The following ABHD12 variants were observed in gnomAD, a reference collection of about 807,000 sequenced individuals.
ABHD12 encodes lysophosphatidylserine lipase ABHD12.
A neutral mutation model predicts 58.3 loss-of-function variants in ABHD12; 43 were observed. The ratio of observed to expected loss-of-function variants is 0.74; its 90% CI spans 0.58 to 0.95. The LOEUF is 0.95. ABHD12 is among the 40% of genes least tolerant of loss of function. The probability of loss-of-function intolerance (pLI) is 0.00; values close to 1 mark genes in which losing one functional copy is unlikely to be tolerated. For synonymous variants in ABHD12, 219 were observed against 211.2 expected (o/e 1.04, Z -0.32); for missense variants, 539 against 537.2 (o/e 1.00, Z -0.03).
chr20:25,350,806 C>T (rs2500443), intron 1 of ABHD12, among the ~76,000 whole-genome samples: 90,501 of 151,964 alleles, frequency 0.6, 28,026 homozygotes, highest in African/African-American at 0.72. Flanking sequence ...ACTTCCCTTA[C>T]CTGACTAGAG....
chr20:25,302,100 T>C (rs1175644360), intron 12 of ABHD12, 119 bp downstream of exon 12: 17 of 1,441,604 alleles, frequency 1.2e-5, no homozygotes, highest in Non-Finnish European at 1.6e-5. Flanking sequence ...CCCAAATCAC[T>C]GTGACTCTTG....
intron 1 of ABHD12, among the ~76,000 whole-genome samples, chr20:25,354,058 C>A (rs574731323): frequency 2.3e-4 from 35 of 152,288 alleles, no homozygotes; most frequent in Non-Finnish European, 4.3e-4. Context: ...AGGAAGCCAT[C>A]CTGGAGCGGC....
At chr20:25,320,118 T>G in intron 4 of ABHD12, 81 bp downstream of exon 4, 1 of 1,591,804 alleles carries the variant, frequency 6.3e-7, no homozygotes, top group African/African-American at 1.3e-5. Flanking sequence ...CCTGCTGGTT[T>G]CCGGCAGACC....
chr20:25,326,253 T>C (rs992148238), intron 2 of ABHD12, among the ~76,000 whole-genome samples: 7 of 151,946 alleles, frequency 4.6e-5, no homozygotes, highest in Non-Finnish European at 7.4e-5. Context: ...CAGGAAACAA[T>C]TGAAGAAACT....
chr20:25,350,522 G>C (rs1365284192), intron 1 of ABHD12, among the ~76,000 whole-genome samples: 4 of 152,192 alleles, frequency 2.6e-5, no homozygotes, highest in African/African-American at 9.6e-5. Context: ...TGTAAGATGT[G>C]ACTTTGCTTC....
chr20:25,297,514 C>T (rs768639613), downstream of ABHD12: 1 of 152,314 alleles, frequency 6.6e-6, no homozygotes, highest in Admixed American at 6.5e-5. Context: ...GCCACAGCCT[C>T]GTCTGGAAAA....
At chr20:25,296,519 C>A, downstream of ABHD12, 1 of 1,612,324 alleles carries the variant, frequency 6.2e-7, no homozygotes, top group Non-Finnish European at 8.5e-7. Context: ...TCCCCCGGGA[C>A]TAGGCACACC....
At chr20:25,322,381 A>ATATATATATATATATATTTTTTTTTT in intron 3 of ABHD12, among the ~76,000 whole-genome samples, 16 of 59,250 alleles carry the variant, frequency 2.7e-4, no homozygotes, top group South Asian at 1.2e-3. Flanking sequence ...ATATATATAT[A>ATATATATATATATATATTTTTTTTTT]TTTTTTTTTT....
intron 2 of ABHD12, among the ~76,000 whole-genome samples, chr20:25,328,593 A>C (rs1600806174): frequency 6.6e-6 from 1 of 152,212 alleles, no homozygotes; most frequent in African/African-American, 2.4e-5. Context: ...ACTGTCCAAG[A>C]GTTCTGAGAG....
At chr20:25,312,674 T>C (rs1262268519) in intron 6 of ABHD12, among the ~76,000 whole-genome samples, 4 of 140,096 alleles carry the variant, frequency 2.9e-5, no homozygotes, top group Admixed American at 1.5e-4. Context: ...TCTGCCTGGC[T>C]GCCCAGTCTG....
At chr20:25,335,322 G>A (rs2089345419) in intron 2 of ABHD12, among the ~76,000 whole-genome samples, 1 of 150,176 alleles carries the variant, frequency 6.7e-6, no homozygotes, top group Non-Finnish European at 1.5e-5. Flanking sequence ...TGCTGGAGAG[G>A]ATGTGGAGAA....
chr20:25,330,860 G>A (rs1228986213), intron 2 of ABHD12, among the ~76,000 whole-genome samples: 1 of 151,660 alleles, frequency 6.6e-6, no homozygotes, highest in Non-Finnish European at 1.5e-5. Context: ...CACAAAGATG[G>A]GGAAAAAAAA....
chr20:25,352,913 G>T (rs1417703427), intron 1 of ABHD12, among the ~76,000 whole-genome samples: 1 of 152,056 alleles, frequency 6.6e-6, no homozygotes, highest in African/African-American at 2.4e-5. Flanking sequence ...ATGTGGTGGT[G>T]TGTACCCATA....
At chr20:25,342,061 G>A (rs1488525865) in intron 1 of ABHD12, among the ~76,000 whole-genome samples, 1 of 129,002 alleles carries the variant, frequency 7.8e-6, no homozygotes, top group Non-Finnish European at 1.6e-5. Context: ...GTTCAAAAAT[G>A]TTCACAGCTT....
chr20:25,368,956 C>T (rs1600863538), intron 1 of ABHD12, among the ~76,000 whole-genome samples: 3 of 152,176 alleles, frequency 2.0e-5, no homozygotes, highest in Middle Eastern at 3.4e-3. Flanking sequence ...GACCCTCTTT[C>T]TATCAAAAAT....
chr20:25,329,832 C>T (rs888878844), intron 2 of ABHD12, among the ~76,000 whole-genome samples: 5 of 151,970 alleles, frequency 3.3e-5, no homozygotes, highest in African/African-American at 1.2e-4. Context: ...ACAGGACCTT[C>T]CGTATGAAAA....
intron 3 of ABHD12, among the ~76,000 whole-genome samples, chr20:25,321,612 A>C (rs975263396): frequency 1.3e-5 from 2 of 152,236 alleles, no homozygotes; most frequent in African/African-American, 4.8e-5. Context: ...ACATCACTAA[A>C]CAAAACCTTT....
intron 6 of ABHD12, among the ~76,000 whole-genome samples, chr20:25,313,667 A>G (rs2088907238): frequency 6.6e-6 from 1 of 151,986 alleles, no homozygotes; most frequent in Admixed American, 6.6e-5. Context: ...CTGTGGTCCC[A>G]GCTACTAGGG....
chr20:25,308,488 C>A lies in ABHD12; in HGVS notation c.756G>T (p.Ala252=). ...IWGHSLGTGV[A]TNLVRRLCER... is the part of the protein sequence containing the mutation. ...CACAGAGGCGCCGCACCAGATTTGTCGCCACGCTAGGAAAAAAGAAAAACA... is the reference window on the plus strand; with the variant it reads ...CACAGAGGCGCCGCACCAGATTTGTAGCCACGCTAGGAAAAAAGAAAAACA... Residue 252 remains alanine, a synonymous_variant, in exon 8 of 13, where the codon GCG becomes GCT. Coordinates refer to ENST00000339157, the MANE Select transcript of ABHD12 (RefSeq NM_001042472.3). 1 of 1,611,090 alleles carries A rather than the reference C, an allele frequency of 6.2e-7. No homozygotes were observed. Among genetic ancestry groups the A allele is most frequent in the Non-Finnish European group, 8.5e-7 (1 of 1,178,646 alleles).
Sources: gnomAD v4.1 joint callset for allele counts (sites outside exome capture counted in the v4.1 genomes callset) on GRCh38, gnomAD v4.1.1 for gene constraint, MANE v1.5 for transcripts, NCBI Gene and HGNC (gene_info 2026-07-23, HGNC 2026-07-21) for gene names.